Variants in KRT6B observed in about 807,000 individuals in gnomAD.
KRT6B encodes the protein keratin, type II cytoskeletal 6B.
KRT6B carries 29 observed loss-of-function variants against 44.7 expected under a neutral mutation model. That is an observed-to-expected ratio of 0.65 (90% CI 0.48 to 0.88). The LOEUF (loss-of-function observed/expected upper bound fraction) is 0.88. KRT6B is among the 40% of genes least tolerant of loss of function. The pLI, the probability that KRT6B is intolerant of heterozygous loss-of-function variation, is 0.00. For missense variants in KRT6B, 600 were observed against 724.0 expected (o/e 0.83, Z 1.97); for synonymous variants, 213 against 296.0 (o/e 0.72, Z 2.88).
intron 6 of KRT6B, among the ~76,000 whole-genome samples, chr12:52,448,414 T>C (rs1484702287): frequency 6.6e-6 from 1 of 152,194 alleles, no homozygotes; most frequent in Non-Finnish European, 1.5e-5. Context: ...CTGCCTCACA[T>C]CCTCTCACCT....
At position 52,451,638 on chromosome 12, in the gene KRT6B, G is replaced by T; in HGVS notation, c.441C>A (p.Pro147=). The T allele has an allele frequency of 1.2e-6, 2 of 1,613,028 alleles. No homozygotes were observed. The highest frequency in any genetic ancestry group is 1.7e-6 in the Non-Finnish European group (2 of 1,180,006). Residue 147 remains proline (P), a synonymous_variant, in exon 1 of 9, where the codon CCC becomes CCA. Coordinates refer to ENST00000252252, the MANE Select transcript of KRT6B (RefSeq NM_005555.4). ...TGGCGGGGTCAATTTGCAGGTTGAG[G>T]GGAGTCAGGAGACTCTGGTTGACAG... ...EVTVNQSLLT[P]LNLQIDPAIQ...
intron 1 of KRT6B, among the ~76,000 whole-genome samples, chr12:52,450,885 T>C (rs1427335484): frequency 6.6e-6 from 1 of 152,184 alleles, no homozygotes; most frequent in Non-Finnish European, 1.5e-5. Flanking sequence ...TCTTCTTTTC[T>C]TTTTCCAAGC....
rs562648897 is a variant in KRT6B, at chr12:52,451,882, C to A, written c.197G>T (p.Gly66Val). 2.9e-5 allele frequency: 46 copies of A among 1,611,982 alleles called. 1 individual carries two copies. The South Asian group carries it at 5.1e-4, about 18-fold the overall frequency. The change falls in exon 1 of 9, where the codon GGC (glycine) becomes GTC (valine). Residue 66 changes from glycine to valine, a missense_variant. Gly to Val is a moderately radical substitution (Grantham distance 109). This residue lies in a region of KRT6B where 78 missense variants were observed against 97.5 expected (regional missense o/e 0.80). Coordinates refer to ENST00000252252, the MANE Select transcript of KRT6B (RefSeq NM_005555.4). ...CCCTCCAATGGAGATCCTCTTGGAG[C>A]CCCCCAGGCCATACAGACTGCGGCT... ...FGSRSLYGLG[G>V]SKRISIGGGS...
chr12:52,451,420 C>A, intron 1 of KRT6B, 119 bp downstream of exon 1: 1 of 1,593,536 alleles, frequency 6.3e-7, no homozygotes, highest in South Asian at 1.1e-5. Context: ...CCTGCACTCT[C>A]TGCAGAGCTG....
intron 1 of KRT6B, among the ~76,000 whole-genome samples, chr12:52,451,205 C>T (rs1463685703): frequency 6.6e-6 from 1 of 151,006 alleles, no homozygotes; most frequent in Non-Finnish European, 1.5e-5. Flanking sequence ...GTGTAATTTA[C>T]CAGCCCATAT....
rs183390880 is a variant in KRT6B at position 52,450,112 on chromosome 12, G to A, written c.756-40C>T. ...GCATGGGACACATTTGAGCCAGTGGGTAGGATGAAACAGAAAAGCAGCTTG... is the reference window on the plus strand; with the variant it reads ...GCATGGGACACATTTGAGCCAGTGGATAGGATGAAACAGAAAAGCAGCTTG... On this transcript the variant is annotated intron_variant, in intron 2 of 8. Coordinates refer to ENST00000252252, the MANE Select transcript of KRT6B (RefSeq NM_005555.4). The A allele has an allele frequency of 2.4e-4, 380 of 1,613,834 alleles. 3 individuals carry two copies. The African/African-American group carries it at 4.4e-3, about 19-fold the overall frequency.
At position 52,447,768 on chromosome 12, in the gene KRT6B, A is replaced by G; in HGVS notation, c.1424+10T>C. On this transcript the variant is annotated intron_variant, in intron 7 of 8. Transcript: ENST00000252252. The stretch of plus-strand genomic sequence containing the variant: ...CTCAGCTGTTGGAGGAAGTCGCGTC[A>G]GTTACCCACCTGCACTCCTCGCCCT... The G allele has an allele frequency of 6.2e-7, 1 of 1,614,218 alleles. No homozygotes were observed. Among genetic ancestry groups the G allele is most frequent in the East Asian group, 2.2e-5 (1 of 44,884 alleles).
At chr12:52,450,207 A>G in intron 2 of KRT6B, 135 bp from the exon 3 acceptor site, 5 of 1,560,782 alleles carry the variant, frequency 3.2e-6, no homozygotes, top group Non-Finnish European at 4.4e-6. Flanking sequence ...CAAAGAGATG[A>G]ATTTTGCTAC....
chr12:52,446,930 T>A lies in KRT6B; in HGVS notation c.*260A>T, dbSNP rs1463969046. On this transcript the variant is annotated 3_prime_UTR_variant, in exon 9 of 9. Transcript: ENST00000252252. The stretch of plus-strand genomic sequence containing the variant: ...ATAGGTCATTTTCTTCTCAGAATTA[T>A]GGCAGACTCAGATACCTGTAATAAT... The A allele has an allele frequency of 7.1e-6, 4 of 561,830 alleles. No individual in the cohort carries two copies. The highest frequency in any genetic ancestry group is 1.3e-5 in the Non-Finnish European group (4 of 315,972). 34.8% of individuals were successfully genotyped at this position (561,830 alleles called of 1,614,324 possible).
At position 52,451,890 on chromosome 12, in the gene KRT6B, G is replaced by T. The variant is rs1940410887; in HGVS notation, c.189C>A (p.Gly63=). 4.3e-6 allele frequency: 7 copies of T among 1,612,438 alleles called. No homozygotes were observed. The highest frequency in any genetic ancestry group is 5.9e-6 in the Non-Finnish European group (7 of 1,179,912). The part of the protein sequence containing the change: ...GAGFGSRSLY[G]LGGSKRISIG... ...TGGAGATCCTCTTGGAGCCCCCCAGGCCATACAGACTGCGGCTGCCAAAGC... is the reference window on the plus strand; with the variant it reads ...TGGAGATCCTCTTGGAGCCCCCCAGTCCATACAGACTGCGGCTGCCAAAGC... The change falls in exon 1 of 9, where the codon GGC becomes GGA. Residue 63 remains glycine (G), a synonymous_variant. Transcript: ENST00000252252.
chr12:52,447,710 A>C, intron 7 of KRT6B, 68 bp downstream of exon 7: 2 of 1,614,110 alleles, frequency 1.2e-6, no homozygotes, highest in Non-Finnish European at 1.7e-6. Context: ...TGCACCTTAA[A>C]GTTGTGCTCA....
chr12:52,449,438 A>G, intron 5 of KRT6B, 31 bp downstream of exon 5: 1 of 1,614,168 alleles, frequency 6.2e-7, no homozygotes, highest in Non-Finnish European at 8.5e-7. Context: ...GGACACAAGG[A>G]TTCCTCAGCG....
chr12:52,447,644 G>A, intron 7 of KRT6B, 71 bp from the exon 8 acceptor site: 2 of 1,613,982 alleles, frequency 1.2e-6, no homozygotes, highest in Non-Finnish European at 1.7e-6. Context: ...GGGTGGGAAA[G>A]TCCATGGGAA....
chr12:52,451,919 C>T lies in KRT6B; in HGVS notation c.160G>A (p.Ala54Thr). 6.2e-7 allele frequency: 1 copy of T among 1,612,954 alleles called. No individual in the cohort carries two copies. Among genetic ancestry groups the T allele is most frequent in the South Asian group, 1.1e-5 (1 of 91,024 alleles). ...SGGLGGACGG[A>T]GFGSRSLYGL... ...TACAGACTGCGGCTGCCAAAGCCAG[C>T]TCCTCCACATGCGCCACCCAGGCCA... is the stretch of plus-strand genomic sequence containing the variant. The change falls in exon 1 of 9, where the codon GCT (alanine) becomes ACT (threonine). Residue 54 changes from alanine (A) to threonine (T), a missense_variant. Transcript: ENST00000252252.
In KRT6B at chr12:52,447,966, A is replaced by T. The variant is rs1247925347; in HGVS notation, c.1236T>A (p.Ala412=). Residue 412 remains alanine, a synonymous_variant, in exon 7 of 9, where the codon GCT becomes GCA. Coordinates refer to ENST00000252252, the MANE Select transcript of KRT6B (RefSeq NM_005555.4). ...CANLQAAIAD[A]EQRGEMALKD... ...TGAGGGCCATCTCCCCACGCTGCTC[A>T]GCATCAGCAATGGCGGCCTGTAGGT... The T allele has an allele frequency of 1.2e-6, 2 of 1,614,172 alleles. No individual in the cohort carries two copies. Among genetic ancestry groups the T allele is most frequent in the Non-Finnish European group, 1.7e-6 (2 of 1,180,038 alleles).
intron 1 of KRT6B, 129 bp downstream of exon 1, chr12:52,451,410 C>G: frequency 6.4e-7 from 1 of 1,556,336 alleles, no homozygotes; most frequent in East Asian, 2.2e-5. Context: ...CCGAGAGCCA[C>G]CTGCACTCTC....
rs1406294894 is a variant in KRT6B, at chr12:52,452,124, G to T, written c.-46C>A. Reference sequence around the variant, plus strand: ...CTTAGGAGAGTGTGAGAGGCTGGAGGCGAGAGGGAGGAGAAGCAGGACGAG... The same window carrying T: ...CTTAGGAGAGTGTGAGAGGCTGGAGTCGAGAGGGAGGAGAAGCAGGACGAG... On this transcript the variant is annotated 5_prime_UTR_variant, in exon 1 of 9. Transcript: ENST00000252252. 6.2e-7 allele frequency: 1 copy of T among 1,613,766 alleles called. No individual in the cohort carries two copies. The highest frequency in any genetic ancestry group is 8.5e-7 in the Non-Finnish European group (1 of 1,179,858).
chr12:52,449,435 A>G lies in KRT6B; in HGVS notation c.1077+34T>C, dbSNP rs746921587. Reference sequence around the variant, plus strand: ...CCTCTGGTATTCAGGGATGGACACAAGGATTCCTCAGCGGCTGTCCACTCC... The same window carrying G: ...CCTCTGGTATTCAGGGATGGACACAGGGATTCCTCAGCGGCTGTCCACTCC... On this transcript the variant is annotated intron_variant, in intron 5 of 8. Transcript: ENST00000252252. 9 of 1,614,034 alleles carry G rather than the reference A, an allele frequency of 5.6e-6. No homozygotes were observed. The East Asian group carries it at 1.1e-4, about 20-fold the overall frequency.
At chr12:52,448,119 T>G in intron 6 of KRT6B, 121 bp from the exon 7 acceptor site, 56 of 1,229,642 alleles carry the variant, frequency 4.6e-5, no homozygotes, top group Non-Finnish European at 6.1e-5. Context: ...AAATGAGCTC[T>G]GACTCTTCCT....
Sources: allele counts gnomAD v4.1 joint callset (sites outside exome capture counted in the v4.1 genomes callset), GRCh38; gene constraint gnomAD v4.1.1; regional missense constraint gnomAD v4.1.1; transcripts MANE v1.5; gene names NCBI Gene and HGNC (gene_info 2026-07-23, HGNC 2026-07-21).